CCDC192: variants seen among roughly 807,000 people sequenced by gnomAD.
CCDC192 encodes coiled-coil domain-containing protein 192.
At chr5:127,735,790 CTT>C (rs1752950949) in intron 2 of CCDC192, among the ~76,000 whole-genome samples, 3 of 125,248 alleles carry the variant, frequency 2.4e-5, no homozygotes, top group African/African-American at 1.0e-4. Flanking sequence ...TATCCTGAGA[CTT>C]TGCTGAAGTT....
intron 5 of CCDC192, among the ~76,000 whole-genome samples, chr5:127,833,420 T>A (rs1450433653): frequency 6.6e-6 from 1 of 152,176 alleles, no homozygotes; most frequent in Non-Finnish European, 1.5e-5. Context: ...GAATGATCTC[T>A]TCTGGTCTCT....
intron 5 of CCDC192, among the ~76,000 whole-genome samples, chr5:127,872,456 T>A (rs542874988): frequency 5.9e-5 from 9 of 152,276 alleles, no homozygotes; most frequent in Non-Finnish European, 1.3e-4. Flanking sequence ...AGATGTCCAT[T>A]TACTCATGTG....
At chr5:127,787,551 A>G (rs1052568946) in intron 3 of CCDC192, among the ~76,000 whole-genome samples, 13 of 152,010 alleles carry the variant, frequency 8.6e-5, no homozygotes, top group Non-Finnish European at 1.2e-4. Context: ...TCCTTCTGTT[A>G]TTGATTTTTA....
chr5:127,839,744 T>C (rs1392957157), intron 5 of CCDC192, among the ~76,000 whole-genome samples: 1 of 152,054 alleles, frequency 6.6e-6, no homozygotes. Context: ...TCCTTGCCGA[T>C]TGAATAGGGA....
chr5:127,918,727 T>C (rs1753601813), intron 6 of CCDC192, among the ~76,000 whole-genome samples: 1 of 152,114 alleles, frequency 6.6e-6, no homozygotes, highest in African/African-American at 2.4e-5. Context: ...CAGCTTTGCG[T>C]TTGGTTGAAT....
intron 6 of CCDC192, among the ~76,000 whole-genome samples, chr5:127,912,148 T>C (rs1753382655): frequency 6.6e-6 from 1 of 151,012 alleles, no homozygotes; most frequent in Non-Finnish European, 1.5e-5. Context: ...GCCAGGCTGG[T>C]CTCGAACTCC....
rs114591648 is a variant in CCDC192 at position 127,835,982 on chromosome 5, T to A, written c.411+37820T>A. Among the ~76,000 whole-genome samples the A allele has an allele frequency of 3.3e-3, 496 of 152,262 alleles. 2 individuals are homozygous for A. Among genetic ancestry groups the A allele is most frequent in the African/African-American group, 0.011 (467 of 41,550 alleles). Reference sequence around the variant, plus strand: ...ACAGTCCCTCAAAGTCTTAACTAATTTCAGCACTAAGTCAAAAGTCCAAGT... The same window carrying A: ...ACAGTCCCTCAAAGTCTTAACTAATATCAGCACTAAGTCAAAAGTCCAAGT... On this transcript the variant is annotated intron_variant, in intron 5 of 6. Coordinates refer to ENST00000514853, the MANE Select transcript of CCDC192 (RefSeq NM_001317938.2).
chr5:127,786,407 A>G (rs780262270), intron 3 of CCDC192: 11 of 623,366 alleles, frequency 1.8e-5, no homozygotes, highest in Non-Finnish European at 3.0e-5. Context: ...CAAATGCATC[A>G]TCTTCCTTCA....
chr5:127,918,960 TG>T (rs1451343334), intron 6 of CCDC192, among the ~76,000 whole-genome samples: 1 of 147,880 alleles, frequency 6.8e-6, no homozygotes, highest in East Asian at 1.9e-4. Flanking sequence ...TATATATGTG[TG>T]TGTCTGTGTG....
At chr5:127,774,333 A>T (rs1580635590) in intron 3 of CCDC192, among the ~76,000 whole-genome samples, 1 of 152,312 alleles carries the variant, frequency 6.6e-6, no homozygotes, top group East Asian at 1.9e-4. Context: ...GCTTAATTCA[A>T]GATCATGAAG....
chr5:127,832,161 A>G (rs1408008726), intron 5 of CCDC192, among the ~76,000 whole-genome samples: 1 of 152,206 alleles, frequency 6.6e-6, no homozygotes, highest in Non-Finnish European at 1.5e-5. Flanking sequence ...CTTTAATCTC[A>G]CCAGTATTCA....
chr5:127,823,294 G>A (rs946372930), intron 5 of CCDC192, among the ~76,000 whole-genome samples: 6 of 152,266 alleles, frequency 3.9e-5, no homozygotes, highest in African/African-American at 9.6e-5. Context: ...TTTACAACTC[G>A]CCTCTTTCCT....
intron 5 of CCDC192, among the ~76,000 whole-genome samples, chr5:127,862,928 T>A (rs1209846528): frequency 1.5e-5 from 2 of 134,310 alleles, no homozygotes; most frequent in African/African-American, 2.7e-5. Context: ...TTCCTTTATT[T>A]AAAAAAAAAA....
At chr5:127,918,717 C>T (rs1489514014) in intron 6 of CCDC192, among the ~76,000 whole-genome samples, 1 of 152,164 alleles carries the variant, frequency 6.6e-6, no homozygotes, top group African/African-American at 2.4e-5. Context: ...GGGCAGTGAA[C>T]AGCTTTGCGT....
chr5:127,862,980 A>C (rs1485474131), intron 5 of CCDC192, among the ~76,000 whole-genome samples: 1 of 151,932 alleles, frequency 6.6e-6, no homozygotes, highest in Non-Finnish European at 1.5e-5. Context: ...CACAAAAGGA[A>C]AGCTTAACTT....
chr5:127,729,525 A>G (rs1338968195), intron 2 of CCDC192, among the ~76,000 whole-genome samples: 33 of 152,238 alleles, frequency 2.2e-4, no homozygotes, highest in Admixed American at 2.2e-3. Flanking sequence ...TGGATCTGAT[A>G]TGTATCTGCA....
intron 5 of CCDC192, among the ~76,000 whole-genome samples, chr5:127,839,280 C>T (rs1750172123): frequency 6.6e-6 from 1 of 152,124 alleles, no homozygotes; most frequent in South Asian, 2.1e-4. Flanking sequence ...CATGTTATCA[C>T]AGAACATATA....
intron 6 of CCDC192, among the ~76,000 whole-genome samples, chr5:127,882,489 G>C (rs1017328960): frequency 7.9e-5 from 12 of 152,260 alleles, no homozygotes; most frequent in African/African-American, 2.4e-4. Context: ...GGAAAAGAGG[G>C]ATTTGGAGGT....
chr5:127,777,608 G>T (rs1755945141), intron 3 of CCDC192, among the ~76,000 whole-genome samples: 1 of 152,114 alleles, frequency 6.6e-6, no homozygotes, highest in Admixed American at 6.5e-5. Context: ...GATATGGTTT[G>T]ACTGTGTCCC....
Sources: allele counts gnomAD v4.1 joint callset (sites outside exome capture counted in the v4.1 genomes callset), GRCh38; gene constraint gnomAD v4.1.1; transcripts MANE v1.5; gene names NCBI Gene and HGNC (gene_info 2026-07-23, HGNC 2026-07-21).